Variants in DOCK2 observed in about 807,000 individuals in gnomAD.
DOCK2 encodes dedicator of cytokinesis 2, also known as dedicator of cytokinesis protein 2.
In DOCK2, 87 loss-of-function variants were observed where a neutral mutation model predicts 248.9. That is an observed-to-expected ratio of 0.35 (90% CI 0.29 to 0.42). The LOEUF is 0.42. Ranked by LOEUF, DOCK2 falls within the 10% of genes least tolerant of loss-of-function variation. The pLI is 1.00. For synonymous variants in DOCK2, 805 were observed against 821.6 expected (o/e 0.98, Z 0.35); for missense variants, 1,747 against 2,300.2 (o/e 0.76, Z 4.92).
intron 36 of DOCK2, among the ~76,000 whole-genome samples, chr5:170,037,055 G>T (rs2113839534): frequency 6.6e-6 from 1 of 152,192 alleles, no homozygotes; most frequent in African/African-American, 2.4e-5. Flanking sequence ...GAACTCCTTT[G>T]CCAGTTTTTC....
At chr5:169,914,961 CCAGA>C (rs1166808326) in intron 27 of DOCK2, among the ~76,000 whole-genome samples, 1 of 152,212 alleles carries the variant, frequency 6.6e-6, no homozygotes, top group Non-Finnish European at 1.5e-5. Flanking sequence ...GAGCTGGCAG[CCAGA>C]CAAAGAGAAT....
At chr5:169,758,094 T>C (rs977329798) in intron 23 of DOCK2, among the ~76,000 whole-genome samples, 32 of 152,180 alleles carry the variant, frequency 2.1e-4, no homozygotes, top group African/African-American at 7.2e-4. Flanking sequence ...TAATAAAAAT[T>C]GACAATAGCA....
At position 169,708,446 on chromosome 5, in the gene DOCK2, C is replaced by T. The variant is rs544071275; in HGVS notation, c.1482+179C>T. 3.3e-5 allele frequency among the ~76,000 whole-genome samples: 5 copies of T among 152,252 alleles called. No homozygotes were observed. The East Asian group carries it at 9.6e-4, about 29-fold the overall frequency. On this transcript the variant is annotated intron_variant, in intron 15 of 51. Coordinates refer to ENST00000520908, the MANE Select transcript of DOCK2 (RefSeq NM_004946.3). ...GCACTGAACAGGGAAGTAGCCTGAC[C>T]ACGACCACGCTGCTAGGAAATATCA...
chr5:169,694,275 C>G (rs1309547729), intron 9 of DOCK2, among the ~76,000 whole-genome samples: 1 of 152,232 alleles, frequency 6.6e-6, no homozygotes, highest in Non-Finnish European at 1.5e-5. Flanking sequence ...AAACTGTTCC[C>G]TTTTGAGACC....
intron 2 of DOCK2, among the ~76,000 whole-genome samples, chr5:169,657,855 G>T (rs888337621): frequency 1.3e-5 from 2 of 152,170 alleles, no homozygotes; most frequent in African/African-American, 4.8e-5. Flanking sequence ...GGAATGAAAT[G>T]CCAGATGCCC....
rs1561888192 is a variant in DOCK2 at position 170,028,768 on chromosome 5, C to CGT, written c.3467+821_3467+822insTG. 1.0e-4 allele frequency among the ~76,000 whole-genome samples: 15 copies of CGT among 146,600 alleles called. No homozygotes were observed. The South Asian group carries it at 2.2e-3, about 21-fold the overall frequency. Reference sequence around the variant, plus strand: ...ACACACACACACACACACACACACACGCGTGCGCACACACACCCAAACACT... The same window carrying CGT: ...ACACACACACACACACACACACACACGTGCGTGCGCACACACACCCAAACACT... On this transcript the variant is annotated intron_variant, in intron 34 of 51. Transcript: ENST00000520908.
intron 32 of DOCK2, among the ~76,000 whole-genome samples, chr5:170,010,117 C>T (rs1755228477): frequency 6.6e-6 from 1 of 152,146 alleles, no homozygotes; most frequent in Non-Finnish European, 1.5e-5. Flanking sequence ...GAGTTTTTAT[C>T]ATTATTGTCA....
Position 169,813,077 on chromosome 5 carries a change from G to GA in DOCK2, c.2703+9873dup, listed in dbSNP as rs1328055510. Among the ~76,000 whole-genome samples the GA allele has an allele frequency of 5.3e-5, 8 of 152,348 alleles. No individual in the cohort carries two copies. The East Asian group carries it at 1.5e-3, about 29-fold the overall frequency. On this transcript the variant is annotated intron_variant, in intron 26 of 51. Transcript: ENST00000520908. ...CTGTCCTTTCAGGGGCTCCTGCGGG[G>GA]AATTCCAGAACTTCAGGGCTCCTGA...
chr5:169,964,326 C>T (rs1777212661), intron 27 of DOCK2, among the ~76,000 whole-genome samples: 1 of 152,166 alleles, frequency 6.6e-6, no homozygotes, highest in African/African-American at 2.4e-5. Flanking sequence ...TCCGCTCCCA[C>T]CCCCAAGCTC....
intron 27 of DOCK2, among the ~76,000 whole-genome samples, chr5:169,860,976 A>T (rs1771162041): frequency 6.6e-6 from 1 of 152,188 alleles, no homozygotes; most frequent in African/African-American, 2.4e-5. Context: ...AAGGAAAAAA[A>T]TTAAGGGGGA....
intron 9 of DOCK2, 49 bp from the exon 10 acceptor site, chr5:169,695,754 T>C (rs752734350): frequency 3.1e-6 from 5 of 1,605,312 alleles, no homozygotes; most frequent in African/African-American, 2.7e-5. Context: ...TCTACCTTTT[T>C]TCCCCCATTC....
chr5:169,677,401 G>A (rs370935223), intron 6 of DOCK2, among the ~76,000 whole-genome samples: 4 of 152,078 alleles, frequency 2.6e-5, no homozygotes, highest in East Asian at 1.9e-4. Context: ...AAGGCTGCCC[G>A]CAAACTGTGT....
intron 28 of DOCK2, among the ~76,000 whole-genome samples, chr5:169,985,288 G>T (rs904783173): frequency 6.6e-6 from 1 of 151,710 alleles, no homozygotes; most frequent in African/African-American, 2.4e-5. Context: ...GCTGAAGTCC[G>T]CTAAGAACCT....
intron 27 of DOCK2, among the ~76,000 whole-genome samples, chr5:169,849,324 C>T (rs1770493261): frequency 6.6e-6 from 1 of 152,224 alleles, no homozygotes; most frequent in African/African-American, 2.4e-5. Context: ...GGCCCATAAC[C>T]ACACAGCTTG....
At chr5:169,997,687 T>G (rs1003997772) in intron 30 of DOCK2, among the ~76,000 whole-genome samples, 16 of 150,240 alleles carry the variant, frequency 1.1e-4, no homozygotes, top group Non-Finnish European at 1.6e-4. Context: ...TCACAGCACA[T>G]GTTTCAGAGA....
Position 169,803,042 on chromosome 5 carries a change from ACTGT to A in DOCK2, c.2555-13_2555-10del. 6.2e-7 allele frequency: 1 copy of A among 1,614,036 alleles called. No individual in the cohort carries two copies. The highest frequency in any genetic ancestry group is 8.5e-7 in the Non-Finnish European group (1 of 1,179,954). ...AATGAGGAATTCTACACTACTCTGA[ACTGT>A]CTTTATTCCAGAATGCCGGGACATT... is the stretch of plus-strand genomic sequence containing the variant. On this transcript the variant is annotated splice_polypyrimidine_tract_variant and intron_variant, in intron 25 of 51. Coordinates refer to ENST00000520908, the MANE Select transcript of DOCK2 (RefSeq NM_004946.3).
intron 27 of DOCK2, among the ~76,000 whole-genome samples, chr5:169,872,895 G>A (rs945681406): frequency 6.6e-6 from 1 of 152,320 alleles, no homozygotes; most frequent in East Asian, 1.9e-4. Flanking sequence ...TTTTAGGATG[G>A]TTAGGAGTCT....
chr5:169,684,449 G>C (rs1315196342), intron 8 of DOCK2, 99 bp downstream of exon 8: 28 of 1,432,962 alleles, frequency 2.0e-5, no homozygotes, highest in Non-Finnish European at 2.6e-5. Flanking sequence ...TCTCCACCTG[G>C]AAAAGAGACT....
intron 25 of DOCK2, among the ~76,000 whole-genome samples, chr5:169,783,717 A>G (rs1325433328): frequency 6.6e-6 from 1 of 152,204 alleles, no homozygotes; most frequent in Non-Finnish European, 1.5e-5. Flanking sequence ...GTTCATATAT[A>G]CTATAATAAT....
Sources: allele counts gnomAD v4.1 joint callset (sites outside exome capture counted in the v4.1 genomes callset), GRCh38; gene constraint gnomAD v4.1.1; transcripts MANE v1.5; gene names NCBI Gene and HGNC (gene_info 2026-07-23, HGNC 2026-07-21).